The following ASS1 variants were observed in gnomAD, a reference collection of about 807,000 sequenced individuals.
ASS1 encodes the protein argininosuccinate synthase 1.
In ASS1, 58 loss-of-function variants were observed where a neutral mutation model predicts 60.5. The ratio of observed to expected loss-of-function variants is 0.96; its 90% CI spans 0.78 to 1.19. The LOEUF (loss-of-function observed/expected upper bound fraction) is 1.19. ASS1 is among the 50% of genes most tolerant of loss of function. The pLI is 0.00. For synonymous variants in ASS1, 200 were observed against 206.9 expected (o/e 0.97, Z 0.29); for missense variants, 454 against 547.3 (o/e 0.83, Z 1.70).
chr9:130,448,222 G>A (rs911147165), intron 1 of ASS1, among the ~76,000 whole-genome samples: 3 of 152,154 alleles, frequency 2.0e-5, no homozygotes, highest in African/African-American at 7.2e-5. Flanking sequence ...CAGGAGCAAC[G>A]CTGCTGTCTG....
At position 130,459,887 on chromosome 9, in the gene ASS1, C is replaced by T. The variant is rs1282769566; in HGVS notation, c.363+1298C>T. On this transcript the variant is annotated intron_variant, in intron 4 of 14. Coordinates refer to ENST00000352480, the MANE Select transcript of ASS1 (RefSeq NM_054012.4). The surrounding 1 kb of genome is among the most constrained non-coding windows in gnomAD (Gnocchi z 4.6). ...GTCCCAGTGCAGACTGCGGGGTCCC[C>T]GTGGGGTGCAAGACAGGAAGCCCCC... Among the ~76,000 whole-genome samples the T allele has an allele frequency of 1.3e-5, 2 of 152,228 alleles. No homozygotes were observed. Among genetic ancestry groups the T allele is most frequent in the East Asian group, 1.9e-4 (1 of 5,202 alleles).
At chr9:130,452,890 C>G (rs1444648694) in intron 2 of ASS1, among the ~76,000 whole-genome samples, 1 of 152,212 alleles carries the variant, frequency 6.6e-6, no homozygotes, top group East Asian at 1.9e-4. Context: ...GGCCACAGCT[C>G]TGAGTCCTTC....
Position 130,480,455 on chromosome 9 carries a change from T to C in ASS1, c.838+6T>C. On this transcript the variant is annotated splice_donor_region_variant and intron_variant, in intron 11 of 14. Transcript: ENST00000352480. The stretch of plus-strand genomic sequence containing the variant: ...CATTGGAATGAAGTCCCGAGGTGAG[T>C]CTGCTCAGCCTCCCTCAGGGCCTGC... The C allele has an allele frequency of 6.2e-7, 1 of 1,613,796 alleles. No homozygotes were observed. Among genetic ancestry groups the C allele is most frequent in the Non-Finnish European group, 8.5e-7 (1 of 1,179,954 alleles).
intron 6 of ASS1, among the ~76,000 whole-genome samples, chr9:130,468,511 A>T (rs1845797692): frequency 6.6e-6 from 1 of 152,202 alleles, no homozygotes; most frequent in Admixed American, 6.5e-5. Context: ...TCCTGGGCTC[A>T]TCTGACCCTC....
intron 1 of ASS1, among the ~76,000 whole-genome samples, chr9:130,447,883 G>C (rs1845232259): frequency 6.6e-6 from 1 of 152,156 alleles, no homozygotes; most frequent in Non-Finnish European, 1.5e-5. Flanking sequence ...TACATGCTTG[G>C]TGCCCAGCTC....
In ASS1 at chr9:130,448,690, A is replaced by G. The variant is rs527722829; in HGVS notation, c.-5-3534A>G. Among the ~76,000 whole-genome samples, 9 of 152,100 alleles carry G rather than the reference A, an allele frequency of 5.9e-5. No homozygotes were observed. In the South Asian group the frequency reaches 8.3e-4, roughly 14 times the overall value. On this transcript the variant is annotated intron_variant, in intron 1 of 14. Transcript: ENST00000352480. ...GCGATTCTCGTGCCTCAGCCTCCCAAGTAGCTGGGACTACAGGTGTGTGCC... is the reference window on the plus strand; with the variant it reads ...GCGATTCTCGTGCCTCAGCCTCCCAGGTAGCTGGGACTACAGGTGTGTGCC...
At chr9:130,487,325 G>A (rs1846325047) in intron 11 of ASS1, among the ~76,000 whole-genome samples, 2 of 151,734 alleles carry the variant, frequency 1.3e-5, no homozygotes, top group African/African-American at 4.8e-5. Flanking sequence ...CTTCTGGTTA[G>A]TGCACGAGGG....
chr9:130,455,906 G>T (rs777905004), intron 3 of ASS1, among the ~76,000 whole-genome samples: 9 of 152,254 alleles, frequency 5.9e-5, no homozygotes, highest in Non-Finnish European at 1.2e-4. Context: ...CTGGCCACAG[G>T]CCTGGAACTA....
At chr9:130,465,036 A>G (rs201564595) in intron 5 of ASS1, among the ~76,000 whole-genome samples, 2 of 122,726 alleles carry the variant, frequency 1.6e-5, no homozygotes, top group African/African-American at 6.6e-5. Context: ...CATATGTTTT[A>G]TATATATATA....
At chr9:130,481,463 C>T (rs568776507) in intron 11 of ASS1, among the ~76,000 whole-genome samples, 12 of 152,188 alleles carry the variant, frequency 7.9e-5, no homozygotes, top group Non-Finnish European at 2.9e-5. Flanking sequence ...GGTATAGTCA[C>T]GGCCCCATGT....
chr9:130,461,093 A>G (rs190622267), intron 4 of ASS1, among the ~76,000 whole-genome samples: 1 of 149,938 alleles, frequency 6.7e-6, no homozygotes, highest in Non-Finnish European at 1.5e-5. Context: ...CCCAGAAGGC[A>G]TACAAGCCGA....
rs1845534997 is a variant in ASS1 at position 130,459,502 on chromosome 9, G to T, written c.363+913G>T. Among the ~76,000 whole-genome samples the T allele has an allele frequency of 6.6e-6, 1 of 152,002 alleles. No homozygotes were observed. Among genetic ancestry groups the T allele is most frequent in the Non-Finnish European group, 1.5e-5 (1 of 67,986 alleles). ...GCTGGAGTGCAGTGGCTCGATCTTG[G>T]CTCACTGCAACCTCTGCCTCCCAGA... is the stretch of plus-strand genomic sequence containing the variant. On this transcript the variant is annotated intron_variant, in intron 4 of 14. Transcript: ENST00000352480. This position sits in a 1 kb window ranked among gnomAD's most constrained non-coding sequence, Gnocchi z 4.6.
intron 6 of ASS1, among the ~76,000 whole-genome samples, chr9:130,469,190 G>A (rs570009802): frequency 8.0e-4 from 122 of 152,342 alleles, no homozygotes; most frequent in African/African-American, 2.6e-3. Context: ...CATCTCTGCT[G>A]GAGAGTCCAG....
intron 4 of ASS1, among the ~76,000 whole-genome samples, chr9:130,461,024 A>G (rs1845577871): frequency 6.6e-6 from 1 of 151,708 alleles, no homozygotes; most frequent in Non-Finnish European, 1.5e-5. Flanking sequence ...TCCCAAACAA[A>G]AAAAAAAGCT....
At chr9:130,484,729 T>C (rs942848687) in intron 11 of ASS1, among the ~76,000 whole-genome samples, 1 of 151,624 alleles carries the variant, frequency 6.6e-6, no homozygotes, top group Non-Finnish European at 1.5e-5. Context: ...GTTTTTTTTT[T>C]CCAGAAGAAA....
At chr9:130,480,328 G>A in intron 10 of ASS1, 57 bp from the exon 11 acceptor site, 2 of 1,599,982 alleles carry the variant, frequency 1.3e-6, no homozygotes, top group Non-Finnish European at 1.7e-6. Flanking sequence ...CCAGCTGGGT[G>A]GGTGACTCTG....
chr9:130,449,448 G>A (rs187839453), intron 1 of ASS1, among the ~76,000 whole-genome samples: 1 of 151,734 alleles, frequency 6.6e-6, no homozygotes, highest in African/African-American at 2.4e-5. Flanking sequence ...CTGCCCCTCC[G>A]TGTTTCTGTG....
At position 130,501,051 on chromosome 9, in the gene ASS1, C is replaced by T; in HGVS notation, c.*30C>T. The T allele has an allele frequency of 6.3e-7, 1 of 1,599,896 alleles. No homozygotes were observed. The highest frequency in any genetic ancestry group is 8.5e-7 in the Non-Finnish European group (1 of 1,170,780). ...GTGTACAATGAGGAGCTGGGGCCTC[C>T]TCAATTTGCAGATCCCCCAAGTACA... On this transcript the variant is annotated 3_prime_UTR_variant, in exon 15 of 15. Transcript: ENST00000352480.
intron 7 of ASS1, among the ~76,000 whole-genome samples, 182 bp downstream of exon 7, chr9:130,471,086 T>C (rs921364222): frequency 1.3e-5 from 2 of 152,232 alleles, no homozygotes; most frequent in Non-Finnish European, 2.9e-5. Context: ...ATTGCAGTTC[T>C]GCTGAGTGTT....
Sources: allele counts gnomAD v4.1 joint callset (sites outside exome capture counted in the v4.1 genomes callset), GRCh38; gene constraint gnomAD v4.1.1; non-coding constraint Gnocchi (gnomAD v3.1); transcripts MANE v1.5; gene names NCBI Gene and HGNC (gene_info 2026-07-23, HGNC 2026-07-21).